Variants in TACC1 observed in about 807,000 individuals in gnomAD.
TACC1 encodes the protein transforming acidic coiled-coil-containing protein 1.
TACC1 carries 48 observed loss-of-function variants against 84.4 expected under a neutral mutation model. The observed-to-expected ratio is 0.57, with a 90% CI of 0.45 to 0.72. TACC1 has a LOEUF of 0.72. Ranked by LOEUF, TACC1 falls within the 30% of genes least tolerant of loss-of-function variation. TACC1 has a pLI of 0.00. For synonymous variants in TACC1, 372 were observed against 376.3 expected, an observed-to-expected ratio of 0.99 and a Z score of 0.13; for missense variants, 920 against 973.0, an observed-to-expected ratio of 0.95 and a Z score of 0.72.
chr8:38,788,788 C>A lies in TACC1; in HGVS notation c.246C>A (p.Leu82=), dbSNP rs754547308. ...TCAAGGAGTCCTGTGATCCATCACT[C>A]GGATTGGCAGGACCTGGGGCCAAAA... The part of the protein sequence containing the change: ...SPFKESCDPS[L]GLAGPGAKSQ... Residue 82 remains leucine, a synonymous_variant, in exon 2 of 13, where the codon CTC becomes CTA. Coordinates refer to ENST00000317827, the MANE Select transcript of TACC1 (RefSeq NM_006283.3). The A allele has an allele frequency of 1.2e-6, 2 of 1,612,998 alleles. No homozygotes were observed. Among genetic ancestry groups the A allele is most frequent in the East Asian group, 2.2e-5 (1 of 44,862 alleles).
chr8:38,753,585 G>T (rs1028267904), intron 3 of TACC1, among the ~76,000 whole-genome samples: 5 of 152,188 alleles, frequency 3.3e-5, no homozygotes, highest in African/African-American at 9.7e-5. Flanking sequence ...ATGTTGTGGG[G>T]TAAGATGTGT....
At chr8:38,783,066 ATATC>A (rs58057050), upstream of TACC1, among the ~76,000 whole-genome samples, 15,110 of 135,106 alleles carry the variant, frequency 0.11, 1,121 homozygotes, top group Non-Finnish European at 0.14. Context: ...TGTAGTGTAA[ATATC>A]TATCTATCTA....
At chr8:38,783,996 TC>T (rs773904598), upstream of TACC1, among the ~76,000 whole-genome samples, 10 of 152,226 alleles carry the variant, frequency 6.6e-5, no homozygotes, top group Non-Finnish European at 2.9e-5. Context: ...TTAGACATCA[TC>T]ATGCCCTTGC....
rs1830191573 is a variant in TACC1 at position 38,836,180 on chromosome 8, G to A, written c.1732G>A (p.Ala578Thr). Residue 578 changes from alanine to threonine, a missense_variant, in exon 7 of 13, where the codon GCA becomes ACA. By Grantham distance (58) the Ala-to-Thr change is moderately conservative. This residue lies in a region of TACC1 where 762 missense variants were observed against 747.3 expected (regional missense o/e 1.02). Transcript: ENST00000317827. ...STVLGLLESS[A>T]EKAPVSVSCG... ...CCCACAGGGGCTGCTGGAGTCCTCTGCAGAGAAGGCCCCTGTGTCGGTGTC... is the reference window on the plus strand; with the variant it reads ...CCCACAGGGGCTGCTGGAGTCCTCTACAGAGAAGGCCCCTGTGTCGGTGTC... 1 of 1,613,232 alleles carries A rather than the reference G, an allele frequency of 6.2e-7. No individual in the cohort carries two copies. Among genetic ancestry groups the A allele is most frequent in the Non-Finnish European group, 8.5e-7 (1 of 1,179,760 alleles).
intron 2 of TACC1, among the ~76,000 whole-genome samples, chr8:38,792,755 A>G (rs955166292): frequency 2.6e-5 from 4 of 151,860 alleles, no homozygotes; most frequent in South Asian, 4.2e-4. Flanking sequence ...GTGAGCCACC[A>G]CGCCTGGCCA....
In TACC1 at chr8:38,773,601, T is replaced by TATCTATCTAG. The variant is rs1406311425; in HGVS notation, c.27-15103_27-15102insATCTATCTAG. ...AGCTATCTATCTAGCTATCTATCTATCTAGCTATCTATCTAGCTATCTATC... is the reference window on the plus strand; with the variant it reads ...AGCTATCTATCTAGCTATCTATCTATATCTATCTAGCTAGCTATCTATCTAGCTATCTATC... On this transcript the variant is annotated intron_variant, in intron 3 of 14. Transcript: ENST00000518415. 1.9e-3 allele frequency among the ~76,000 whole-genome samples: 279 copies of TATCTATCTAG among 149,356 alleles called. 3 individuals are homozygous for TATCTATCTAG. The highest frequency in any genetic ancestry group is 6.5e-3 in the African/African-American group (256 of 39,136).
intron 3 of TACC1, among the ~76,000 whole-genome samples, chr8:38,749,503 A>G (rs1306565840): frequency 6.6e-6 from 1 of 152,244 alleles, no homozygotes; most frequent in African/African-American, 2.4e-5. Flanking sequence ...AAAATCCTCA[A>G]CAAAATATTA....
chr8:38,780,223 T>C (rs1312763800), intron 3 of TACC1, among the ~76,000 whole-genome samples: 1 of 152,266 alleles, frequency 6.6e-6, no homozygotes, highest in Non-Finnish European at 1.5e-5. Flanking sequence ...TTTAGTCATC[T>C]AATCCATCTG....
intron 2 of TACC1, among the ~76,000 whole-genome samples, chr8:38,794,279 T>A (rs1160417268): frequency 1.3e-5 from 2 of 152,224 alleles, no homozygotes; most frequent in African/African-American, 4.8e-5. Context: ...CCATTAAATT[T>A]TTTTTAACAT....
At chr8:38,827,555 T>G in intron 5 of TACC1, 180 bp downstream of exon 5, 1 of 631,648 alleles carries the variant, frequency 1.6e-6, no homozygotes, top group Non-Finnish European at 2.7e-6. Flanking sequence ...CTTATTGAAG[T>G]ACTAGGAACG....
rs1832830725 is a variant in TACC1, at chr8:38,849,587, T to TA, written c.*1570dup. ...CCTAGTGGAGAACCTCTATAGATCT[T>TA]AAAAAATGAATTATTCTTTAGCAGT... On this transcript the variant is annotated 3_prime_UTR_variant, in exon 13 of 13. Transcript: ENST00000317827. 6.6e-6 allele frequency: 1 copy of TA among 152,350 alleles called. No individual in the cohort carries two copies. The highest frequency in any genetic ancestry group is 2.1e-4 in the South Asian group (1 of 4,830). The allele number at this position is 152,350 out of a possible 1,614,324, so 9.4% of individuals were successfully genotyped here.
intron 4 of TACC1, among the ~76,000 whole-genome samples, chr8:38,826,324 A>AAAAAAC (rs758109269): frequency 6.6e-6 from 1 of 152,214 alleles, no homozygotes; most frequent in African/African-American, 2.4e-5. Flanking sequence ...GGTTTTCTTT[A>AAAAAAC]AAAAACAAAA....
rs779923787 is a variant in TACC1, at chr8:38,846,736, A to G, written c.2266A>G (p.Lys756Glu). The G allele has an allele frequency of 3.5e-5, 57 of 1,614,076 alleles. No homozygotes were observed. The Admixed American group carries it at 8.5e-4, about 24-fold the overall frequency. ...EEIAQVRTKA[K>E]AESAALHAGL... The stretch of plus-strand genomic sequence containing the variant: ...GATTGCTCAGGTTCGAACAAAAGCA[A>G]AGGCTGAGAGTGCAGCTCTCCATGC... Residue 756 changes from lysine (K) to glutamate (E), a missense_variant, in exon 12 of 13, where the codon AAG (lysine) becomes GAG (glutamate). Physicochemically the swap from Lys to Glu is moderately conservative, Grantham distance 56. Transcript: ENST00000317827.
At chr8:38,846,132 A>C (rs1212347807) in intron 11 of TACC1, 1 of 151,562 alleles carries the variant, frequency 6.6e-6, no homozygotes, top group Non-Finnish European at 1.5e-5. Flanking sequence ...TAAAAAAAAA[A>C]ATTAGCCGGG....
chr8:38,786,085 T>C (rs1817085926), upstream of TACC1: 1 of 152,246 alleles, frequency 6.6e-6, no homozygotes, highest in Admixed American at 6.5e-5. Context: ...GTGCACATTT[T>C]GGAGCTGCTG....
intron 3 of TACC1, among the ~76,000 whole-genome samples, chr8:38,761,384 A>T (rs146494943): frequency 6.6e-6 from 1 of 152,344 alleles, no homozygotes; most frequent in African/African-American, 2.4e-5. Context: ...AATCGTTTGC[A>T]TTTGGAATTT....
intron 1 of TACC1, among the ~76,000 whole-genome samples, chr8:38,733,123 T>C (rs1303251737): frequency 6.6e-6 from 1 of 152,264 alleles, no homozygotes; most frequent in East Asian, 1.9e-4. Flanking sequence ...CCTTTCTCTC[T>C]GCTCTCCTAG....
At chr8:38,835,884 C>G (rs1372983251) in intron 6 of TACC1, among the ~76,000 whole-genome samples, 1 of 152,228 alleles carries the variant, frequency 6.6e-6, no homozygotes, top group Non-Finnish European at 1.5e-5. Flanking sequence ...GGTGACTGAC[C>G]GCTATTATAA....
chr8:38,757,091 G>T, intron 3 of TACC1: 2 of 351,244 alleles, frequency 5.7e-6, no homozygotes, highest in Non-Finnish European at 9.3e-6. Flanking sequence ...CACGCCCCAG[G>T]GGCTCCGCAT....
Sources: gnomAD v4.1 joint callset for allele counts (sites outside exome capture counted in the v4.1 genomes callset) on GRCh38, gnomAD v4.1.1 for gene constraint, gnomAD v4.1.1 regional missense constraint, MANE v1.5 for transcripts, NCBI Gene and HGNC (gene_info 2026-07-23, HGNC 2026-07-21) for gene names.